Variants in MAN1C1 observed in about 807,000 individuals in gnomAD.
MAN1C1 encodes mannosyl-oligosaccharide 1,2-alpha-mannosidase IC.
MAN1C1 carries 49 observed loss-of-function variants against 71.5 expected under a neutral mutation model. The ratio of observed to expected loss-of-function variants is 0.69; its 90% CI spans 0.54 to 0.87. The LOEUF (loss-of-function observed/expected upper bound fraction) is 0.87, where lower values mean the gene tolerates loss of function less well. Among genes scored for constraint, MAN1C1 ranks in the 40% least tolerant of loss-of-function variants. MAN1C1 has a pLI of 0.00. For synonymous variants in MAN1C1, 352 were observed against 343.7 expected (o/e 1.02, Z -0.27); for missense variants, 743 against 835.0 (o/e 0.89, Z 1.36).
At chr1:25,690,029 C>A (rs1360281788) in intron 2 of MAN1C1, among the ~76,000 whole-genome samples, 1 of 152,200 alleles carries the variant, frequency 6.6e-6, no homozygotes, top group Admixed American at 6.5e-5. Flanking sequence ...TGGCACTTCA[C>A]CAAGTGAATC....
In MAN1C1 at chr1:25,778,022, A is replaced by G; in HGVS notation, c.1258-83A>G. 9.1e-7 allele frequency: 1 copy of G among 1,099,224 alleles called. No individual in the cohort carries two copies. The highest frequency in any genetic ancestry group is 1.3e-6 in the Non-Finnish European group (1 of 774,404). 68.1% of individuals were successfully genotyped at this position (1,099,224 alleles called of 1,614,324 possible). ...GAGCTGCCCTTGCTACTGTCTCCAA[A>G]ATGTTCATTTTCCATCCTTTCCCCC... On this transcript the variant is annotated intron_variant, in intron 8 of 11. Transcript: ENST00000374332. The surrounding 1 kb of genome is among the most constrained non-coding windows in gnomAD (Gnocchi z 5.5).
In MAN1C1 at chr1:25,782,434, C is replaced by G. The variant is rs1460495994; in HGVS notation, c.1651-151C>G. On this transcript the variant is annotated intron_variant, in intron 10 of 11. Coordinates refer to ENST00000374332, the MANE Select transcript of MAN1C1 (RefSeq NM_020379.4). This position sits in a 1 kb window ranked among gnomAD's most constrained non-coding sequence, Gnocchi z 4.4. The stretch of plus-strand genomic sequence containing the variant: ...AACCCCGAAAGAATAATTTGACCTT[C>G]TGTTCCCACAAATGCCAGGAGTCCC... The G allele has an allele frequency of 2.3e-5, 14 of 604,088 alleles. No homozygotes were observed. Among genetic ancestry groups the G allele is most frequent in the Non-Finnish European group, 3.0e-5 (10 of 335,682 alleles). 37.4% of individuals were successfully genotyped at this position (604,088 alleles called of 1,614,324 possible). A position where few individuals can be genotyped will look rare whatever the true frequency, so the allele number is the denominator to read the frequency against.
intron 2 of MAN1C1, among the ~76,000 whole-genome samples, chr1:25,707,088 C>T (rs1404765718): frequency 6.6e-6 from 1 of 152,246 alleles, no homozygotes; most frequent in Non-Finnish European, 1.5e-5. Context: ...GATCCAGACT[C>T]ATATTCATTC....
At chr1:25,653,090 T>C (rs913588526) in intron 1 of MAN1C1, among the ~76,000 whole-genome samples, 1 of 152,060 alleles carries the variant, frequency 6.6e-6, no homozygotes, top group Non-Finnish European at 1.5e-5. Context: ...GTTTTGTTTT[T>C]GTTTTTTGAA....
At chr1:25,642,553 C>T (rs2045552100) in intron 1 of MAN1C1, among the ~76,000 whole-genome samples, 1 of 152,170 alleles carries the variant, frequency 6.6e-6, no homozygotes, top group African/African-American at 2.4e-5. Flanking sequence ...AATGATGGTC[C>T]CTTGGAGAGC....
At chr1:25,632,386 T>C (rs969748921) in intron 1 of MAN1C1, among the ~76,000 whole-genome samples, 2 of 152,198 alleles carry the variant, frequency 1.3e-5, no homozygotes, top group African/African-American at 4.8e-5. Flanking sequence ...CTTAGTTGAA[T>C]CTTCTTTTTT....
intron 2 of MAN1C1, among the ~76,000 whole-genome samples, chr1:25,736,077 G>C (rs965102919): frequency 6.6e-6 from 1 of 152,208 alleles, no homozygotes; most frequent in African/African-American, 2.4e-5. Context: ...GCTGTTAGGA[G>C]CTGACCAGAG....
chr1:25,666,168 C>T (rs1424325175), intron 1 of MAN1C1, among the ~76,000 whole-genome samples: 1 of 152,120 alleles, frequency 6.6e-6, no homozygotes, highest in Non-Finnish European at 1.5e-5. Flanking sequence ...AGGAATTATG[C>T]CTCTGATTTC....
intron 3 of MAN1C1, among the ~76,000 whole-genome samples, chr1:25,747,473 A>G (rs994314306): frequency 5.9e-5 from 9 of 152,228 alleles, no homozygotes; most frequent in Admixed American, 5.2e-4. Flanking sequence ...GGCTATTTAC[A>G]TAGACTTGGG....
chr1:25,783,545 C>A, intron 11 of MAN1C1, 118 bp from the exon 12 acceptor site: 1 of 1,199,502 alleles, frequency 8.3e-7, no homozygotes, highest in Non-Finnish European at 1.2e-6. Context: ...GGTTGCAAGG[C>A]TCCAGACCTT....
chr1:25,628,460 A>G (rs2045331350), intron 1 of MAN1C1, among the ~76,000 whole-genome samples: 1 of 151,920 alleles, frequency 6.6e-6, no homozygotes, highest in Non-Finnish European at 1.5e-5. Flanking sequence ...GGTGCATGTC[A>G]CCATGCCTGG....
At chr1:25,694,604 T>A (rs892099884) in intron 2 of MAN1C1, among the ~76,000 whole-genome samples, 2 of 152,240 alleles carry the variant, frequency 1.3e-5, no homozygotes, top group African/African-American at 4.8e-5. Context: ...AGATGTCATT[T>A]TTACAATTGC....
intron 2 of MAN1C1, among the ~76,000 whole-genome samples, chr1:25,728,723 C>T (rs112154171): frequency 2.0e-5 from 3 of 152,288 alleles, no homozygotes; most frequent in African/African-American, 7.2e-5. Flanking sequence ...GCCCACACCC[C>T]ATTGGGTCCT....
intron 3 of MAN1C1, among the ~76,000 whole-genome samples, chr1:25,748,646 C>T (rs2047170717): frequency 6.6e-6 from 1 of 152,228 alleles, no homozygotes; most frequent in Admixed American, 6.5e-5. Context: ...GATGCTCCAG[C>T]ACCCCTGATT....
intron 7 of MAN1C1, among the ~76,000 whole-genome samples, chr1:25,766,210 C>A (rs2047424228): frequency 6.6e-6 from 1 of 152,112 alleles, no homozygotes; most frequent in Non-Finnish European, 1.5e-5. Flanking sequence ...GAAATTGTTT[C>A]CTATTAATAA....
At chr1:25,767,223 A>ACACC (rs573287473) in intron 7 of MAN1C1, among the ~76,000 whole-genome samples, 1 of 109,638 alleles carries the variant, frequency 9.1e-6, no homozygotes. Flanking sequence ...TCCCCCATAC[A>ACACC]CACACACCCA....
chr1:25,664,595 C>T (rs1374532839), intron 1 of MAN1C1, among the ~76,000 whole-genome samples: 2 of 152,184 alleles, frequency 1.3e-5, no homozygotes, highest in African/African-American at 4.8e-5. Context: ...GGACAGAGTT[C>T]AAGTTGAGTT....
chr1:25,644,025 G>T (rs1349598658), intron 1 of MAN1C1, among the ~76,000 whole-genome samples: 1 of 152,136 alleles, frequency 6.6e-6, no homozygotes, highest in African/African-American at 2.4e-5. Context: ...CTTTTTCAGG[G>T]CCTTACTTTG....
At chr1:25,690,501 C>T (rs2046294354) in intron 2 of MAN1C1, among the ~76,000 whole-genome samples, 3 of 152,174 alleles carry the variant, frequency 2.0e-5, no homozygotes, top group Non-Finnish European at 2.9e-5. Context: ...CCATGTTGGT[C>T]AGGCTTGTCT....
Sources: allele counts gnomAD v4.1 joint callset (sites outside exome capture counted in the v4.1 genomes callset), GRCh38; gene constraint gnomAD v4.1.1; non-coding constraint Gnocchi (gnomAD v3.1); transcripts MANE v1.5; gene names NCBI Gene and HGNC (gene_info 2026-07-23, HGNC 2026-07-21).